Variants in ACTMAP observed in about 807,000 individuals in gnomAD.
ACTMAP encodes the protein actin maturation protease.
At chr19:40,749,706 G>A in the ACTMAP span, 1 of 1,518,308 alleles carries the variant, frequency 6.6e-7, no homozygotes, top group Non-Finnish European at 8.8e-7. Context: ...CAGGGGACTT[G>A]GGGGTAGAGG....
the ACTMAP span, chr19:40,742,604 C>A: frequency 6.2e-7 from 1 of 1,611,052 alleles, no homozygotes; most frequent in Non-Finnish European, 8.5e-7. Flanking sequence ...GCTGATAGTG[C>A]CAACTCTTGC....
chr19:40,748,430 C>T, the ACTMAP span, among the ~76,000 whole-genome samples: 1 of 151,976 alleles, frequency 6.6e-6, no homozygotes, highest in Non-Finnish European at 1.5e-5. Context: ...CCTGGCAAGT[C>T]GCTTCTCCCT....
chr19:40,744,271 G>C, the ACTMAP span: 1 of 1,466,566 alleles, frequency 6.8e-7, no homozygotes, highest in South Asian at 1.4e-5. Context: ...AGTGGGCGAT[G>C]CTTCCAACCC....
the ACTMAP span, chr19:40,742,459 G>C: frequency 3.4e-6 from 5 of 1,467,524 alleles, no homozygotes; most frequent in Non-Finnish European, 4.5e-6. Flanking sequence ...TGTGGTGTGA[G>C]GAGCAGGGCC....
At chr19:40,742,299 G>A in the ACTMAP span, 1 of 880,028 alleles carries the variant, frequency 1.1e-6, no homozygotes, top group East Asian at 2.6e-5. Flanking sequence ...TACTGCAGGG[G>A]GTGGCCCTGA....
At chr19:40,749,757 G>C in the ACTMAP span, 1 of 1,483,360 alleles carries the variant, frequency 6.7e-7, no homozygotes, top group Non-Finnish European at 8.9e-7. Flanking sequence ...AGGGGTTTTT[G>C]GAGGAGAAAT....
the ACTMAP span, among the ~76,000 whole-genome samples, chr19:40,743,453 A>C: frequency 6.6e-6 from 1 of 151,990 alleles, no homozygotes; most frequent in Non-Finnish European, 1.5e-5. Flanking sequence ...GGCTGGTCTC[A>C]AACTCCTGAC....
At chr19:40,749,078 C>T in the ACTMAP span, among the ~76,000 whole-genome samples, 1 of 150,740 alleles carries the variant, frequency 6.6e-6, no homozygotes, top group Non-Finnish European at 1.5e-5. Context: ...GCAACCTCTG[C>T]CTCCAGGGTT....
the ACTMAP span, chr19:40,745,311 C>T: frequency 1.9e-6 from 2 of 1,060,044 alleles, no homozygotes; most frequent in Non-Finnish European, 2.8e-6. Flanking sequence ...ATGGGCCTGG[C>T]TGTCCTAAGG....
At chr19:40,744,583 T>C in the ACTMAP span, 1 of 1,613,758 alleles carries the variant, frequency 6.2e-7, no homozygotes, top group Non-Finnish European at 8.5e-7. Context: ...CCCTGGGCCG[T>C]GTAGCCTCTT....
chr19:40,742,784 G>A, the ACTMAP span: 1 of 1,595,608 alleles, frequency 6.3e-7, no homozygotes, highest in South Asian at 1.1e-5. Context: ...GGGGAGAGGA[G>A]AAGGTGGTGA....
chr19:40,742,710 G>C, the ACTMAP span: 1 of 1,612,376 alleles, frequency 6.2e-7, no homozygotes, highest in Non-Finnish European at 8.5e-7. Flanking sequence ...GAACAGGCCC[G>C]GCAGCTCAGG....
At chr19:40,744,636 G>T in the ACTMAP span, 1 of 1,613,718 alleles carries the variant, frequency 6.2e-7, no homozygotes, top group Non-Finnish European at 8.5e-7. Flanking sequence ...GACGCCACTG[G>T]GGGGCGACAG....
chr19:40,744,830 GAGC>G, the ACTMAP span: 2 of 1,280,778 alleles, frequency 1.6e-6, no homozygotes, highest in South Asian at 1.6e-5. Context: ...CTTCAGGGGA[GAGC>G]CCAGGGCTGG....
At chr19:40,747,626 A>G in the ACTMAP span, among the ~76,000 whole-genome samples, 1 of 152,236 alleles carries the variant, frequency 6.6e-6, no homozygotes, top group Non-Finnish European at 1.5e-5. Context: ...TGGTCGAGAC[A>G]AGAAGATCGC....
chr19:40,749,051 C>T, the ACTMAP span, among the ~76,000 whole-genome samples: 4 of 138,564 alleles, frequency 2.9e-5, no homozygotes, highest in East Asian at 2.1e-4. Flanking sequence ...AGTGCAGTGG[C>T]GCAATTTTGG....
chr19:40,743,708 C>G, the ACTMAP span, among the ~76,000 whole-genome samples: 1 of 152,196 alleles, frequency 6.6e-6, no homozygotes, highest in Non-Finnish European at 1.5e-5. Context: ...ACGGTCTGAT[C>G]CTGAAATCTG....
the ACTMAP span, chr19:40,744,566 C>A: frequency 1.9e-6 from 3 of 1,613,584 alleles, no homozygotes; most frequent in Admixed American, 1.7e-5. Flanking sequence ...CACCTGAGAA[C>A]ATCTCTCCCT....
chr19:40,746,756 C>T, the ACTMAP span, among the ~76,000 whole-genome samples: 660 of 152,072 alleles, frequency 4.3e-3, 7 homozygotes, highest in African/African-American at 0.015. Flanking sequence ...GTGATCCACC[C>T]GCCTCAGCCT....
Sources: allele counts gnomAD v4.1 joint callset (sites outside exome capture counted in the v4.1 genomes callset), GRCh38; gene constraint gnomAD v4.1.1; transcripts MANE v1.5; gene names NCBI Gene and HGNC (gene_info 2026-07-23, HGNC 2026-07-21).